KCNH1: variants seen among roughly 807,000 people sequenced by gnomAD.
The protein encoded by KCNH1 is voltage-gated delayed rectifier potassium channel KCNH1.
Under a neutral mutation model 69.2 loss-of-function variants are expected in KCNH1, and 27 were observed. That is an observed-to-expected ratio of 0.39 (90% CI 0.29 to 0.54). KCNH1 has a LOEUF of 0.54. KCNH1 is among the 20% of genes least tolerant of loss of function. KCNH1 has a pLI of 0.68. For synonymous variants in KCNH1, 456 were observed against 487.7 expected (o/e 0.93, Z 0.86); for missense variants, 798 against 1,261.6 (o/e 0.63, Z 5.57).
intron 4 of KCNH1, among the ~76,000 whole-genome samples, chr1:211,089,870 T>A (rs1691022244): frequency 6.6e-6 from 1 of 152,226 alleles, no homozygotes; most frequent in South Asian, 2.1e-4. Context: ...TAACATGCCA[T>A]CTTTTTTATA....
At chr1:210,746,700 C>T (rs1035262872) in intron 10 of KCNH1, among the ~76,000 whole-genome samples, 3 of 152,144 alleles carry the variant, frequency 2.0e-5, no homozygotes, top group Non-Finnish European at 2.9e-5. Context: ...GTGCCTGCCA[C>T]CATGCCTGGC....
chr1:210,815,161 T>C (rs773939717), intron 7 of KCNH1, among the ~76,000 whole-genome samples: 3 of 152,112 alleles, frequency 2.0e-5, no homozygotes, highest in Non-Finnish European at 2.9e-5. Flanking sequence ...ACCGAGAAAT[T>C]TGTTCTTTTC....
intron 1 of KCNH1, among the ~76,000 whole-genome samples, chr1:211,124,605 G>C (rs1306028573): frequency 6.6e-6 from 1 of 152,122 alleles, no homozygotes; most frequent in African/African-American, 2.4e-5. Flanking sequence ...GACAGAGCAA[G>C]ACTCGGTCAA....
intron 6 of KCNH1, among the ~76,000 whole-genome samples, chr1:210,957,884 C>A (rs1688210124): frequency 6.6e-6 from 1 of 152,134 alleles, no homozygotes; most frequent in South Asian, 2.1e-4. Flanking sequence ...CAGTCTGTGT[C>A]TTTTAATTGG....
chr1:210,722,064 C>G (rs1455854431), intron 10 of KCNH1, among the ~76,000 whole-genome samples: 4 of 152,182 alleles, frequency 2.6e-5, no homozygotes, highest in African/African-American at 9.6e-5. Context: ...CAGCCCCATA[C>G]TGAAAGCAGG....
At chr1:210,917,229 G>GAGAGAGAAAGAA (rs1430374011) in intron 7 of KCNH1, among the ~76,000 whole-genome samples, 33 of 78,866 alleles carry the variant, frequency 4.2e-4, no homozygotes, top group South Asian at 3.0e-3. Context: ...GAGAGAGAGA[G>GAGAGAGAAAGAA]AGAAAGAAAG....
chr1:211,051,584 A>G (rs1690205957), intron 5 of KCNH1, among the ~76,000 whole-genome samples: 1 of 152,150 alleles, frequency 6.6e-6, no homozygotes, highest in African/African-American at 2.4e-5. Context: ...GCGTCAAGAG[A>G]GAGTGTTTGA....
chr1:210,719,909 G>A (rs780904196), intron 10 of KCNH1, among the ~76,000 whole-genome samples: 1 of 152,162 alleles, frequency 6.6e-6, no homozygotes, highest in Non-Finnish European at 1.5e-5. Context: ...TCTGACTCAA[G>A]GCCTGGCCCA....
At chr1:211,031,350 T>A (rs989603736) in intron 5 of KCNH1, among the ~76,000 whole-genome samples, 6 of 152,064 alleles carry the variant, frequency 3.9e-5, no homozygotes, top group African/African-American at 1.4e-4. Flanking sequence ...CAGAAACTAT[T>A]CCAATCAATA....
chr1:210,862,040 T>C, intron 7 of KCNH1: 2 of 781,612 alleles, frequency 2.6e-6, no homozygotes, highest in Non-Finnish European at 4.7e-6. Flanking sequence ...TCTTCTGGAA[T>C]AGTATAAGGG....
intron 5 of KCNH1, among the ~76,000 whole-genome samples, chr1:211,045,989 T>C (rs1377107635): frequency 6.6e-6 from 1 of 152,212 alleles, no homozygotes; most frequent in African/African-American, 2.4e-5. Context: ...TCCAGTTTCA[T>C]CCATATGATC....
chr1:210,767,528 G>A (rs1934611), intron 10 of KCNH1, among the ~76,000 whole-genome samples: 26,540 of 152,168 alleles, frequency 0.17, 3,051 homozygotes, highest in Non-Finnish European at 0.26. Context: ...CTTCCTAAAT[G>A]TGCTCTGTAA....
At chr1:210,856,877 C>CCA (rs1553352271) in intron 7 of KCNH1, among the ~76,000 whole-genome samples, 1 of 101,732 alleles carries the variant, frequency 9.8e-6, no homozygotes, top group Non-Finnish European at 2.0e-5. Flanking sequence ...ATATAACCCA[C>CCA]TATATATATA....
chr1:210,752,466 G>A (rs1274296587), intron 10 of KCNH1, among the ~76,000 whole-genome samples: 6 of 152,202 alleles, frequency 3.9e-5, no homozygotes, highest in Non-Finnish European at 5.9e-5. Flanking sequence ...GAAGGCAAAG[G>A]AAGCTGATAT....
intron 10 of KCNH1, among the ~76,000 whole-genome samples, chr1:210,697,502 A>G (rs989871060): frequency 7.2e-5 from 11 of 152,222 alleles, no homozygotes; most frequent in African/African-American, 2.7e-4. Flanking sequence ...CTCTTGCCAA[A>G]TGGAGATGTG....
At chr1:210,707,969 G>C (rs17016734) in intron 10 of KCNH1, among the ~76,000 whole-genome samples, 5,811 of 152,214 alleles carry the variant, frequency 0.038, 178 homozygotes, top group Admixed American at 0.087. Context: ...TATGATACTG[G>C]TGTATTCAGG....
intron 7 of KCNH1, among the ~76,000 whole-genome samples, chr1:210,878,123 T>C (rs1040780243): frequency 6.6e-6 from 1 of 152,088 alleles, no homozygotes; most frequent in African/African-American, 2.4e-5. Context: ...CAAGAAGACA[T>C]AATAATCCTT....
At chr1:211,063,995 A>G (rs1425597502) in intron 5 of KCNH1, among the ~76,000 whole-genome samples, 1 of 152,180 alleles carries the variant, frequency 6.6e-6, no homozygotes, top group Non-Finnish European at 1.5e-5. Context: ...AAAATAAAAC[A>G]GTTTTAAGTG....
intron 6 of KCNH1, among the ~76,000 whole-genome samples, chr1:210,932,959 C>G (rs1034593353): frequency 6.6e-6 from 1 of 152,162 alleles, no homozygotes; most frequent in African/African-American, 2.4e-5. Flanking sequence ...TTTTAGATCA[C>G]TTAGACAGAA....
Sources: allele counts gnomAD v4.1 joint callset (sites outside exome capture counted in the v4.1 genomes callset), GRCh38; gene constraint gnomAD v4.1.1; transcripts MANE v1.5; gene names NCBI Gene and HGNC (gene_info 2026-07-23, HGNC 2026-07-21).